Variants in PALB2 observed in about 807,000 individuals in gnomAD.
PALB2 encodes the protein mutant partner and localizer of BRCA2.
PALB2 carries 82 observed loss-of-function variants against 107.4 expected under a neutral mutation model. The observed-to-expected ratio is 0.76, with a 90% confidence interval of 0.64 to 0.92. The LOEUF (loss-of-function observed/expected upper bound fraction) is 0.92. Ranked by LOEUF, PALB2 falls within the 40% of genes least tolerant of loss-of-function variation. The probability of loss-of-function intolerance (pLI) is 0.00; values close to 1 mark genes in which losing one functional copy is unlikely to be tolerated. For synonymous variants in PALB2, 489 were observed against 496.8 expected (o/e 0.98, Z 0.21); for missense variants, 1,374 against 1,379.9 (o/e 1.00, Z 0.07).
At chr16:23,606,276 T>C (rs1211452966) in intron 12 of PALB2, among the ~76,000 whole-genome samples, 1 of 150,104 alleles carries the variant, frequency 6.7e-6, no homozygotes, top group South Asian at 2.1e-4. Flanking sequence ...CGTGGTGGCA[T>C]GTACCTGTAG....
intron 3 of PALB2, 32 bp downstream of exon 3, chr16:23,637,818 A>G (rs1180034768): frequency 6.6e-7 from 1 of 1,515,522 alleles, no homozygotes. Flanking sequence ...AATGAATAAT[A>G]AAGCAGGCAT....
At chr16:23,610,486 T>C (rs1966565376) in intron 11 of PALB2, among the ~76,000 whole-genome samples, 1 of 151,696 alleles carries the variant, frequency 6.6e-6, no homozygotes, top group Non-Finnish European at 1.5e-5. Context: ...TTTTTGTATT[T>C]TTAGGAGAGA....
intron 11 of PALB2, among the ~76,000 whole-genome samples, chr16:23,610,349 G>A (rs1234448506): frequency 1.5e-5 from 2 of 133,796 alleles, no homozygotes; most frequent in Admixed American, 8.0e-5. Flanking sequence ...TTGCTTTTTC[G>A]CCAGGCTGGA....
intron 12 of PALB2, among the ~76,000 whole-genome samples, chr16:23,606,170 T>C (rs1966469970): frequency 6.6e-6 from 1 of 152,084 alleles, no homozygotes; most frequent in South Asian, 2.1e-4. Context: ...TCGTTCTCTC[T>C]TCAAATCCAA....
In PALB2 at chr16:23,630,454, T is replaced by C. The variant is rs765722926; in HGVS notation, c.1700A>G (p.His567Arg). 1 of 1,612,560 alleles carries C rather than the reference T, an allele frequency of 6.2e-7. No homozygotes were observed. Among genetic ancestry groups the C allele is most frequent in the South Asian group, 1.1e-5 (1 of 90,862 alleles). ...CCAAGAAAGGGAATCCTCTTTTTGA[T>C]GACGACTTTTCTTCCCTAAAGAAGA... ...FIQVKGKKSR[H>R]QKEDSLSWSN... The change falls in exon 5 of 13, where the codon CAT (histidine) becomes CGT (arginine). Residue 567 changes from histidine to arginine, a missense_variant. Transcript: ENST00000261584.
At chr16:23,615,947 A>C (rs1288924695) in intron 10 of PALB2, among the ~76,000 whole-genome samples, 1 of 152,174 alleles carries the variant, frequency 6.6e-6, no homozygotes, top group Non-Finnish European at 1.5e-5. Flanking sequence ...TACAGGCGTG[A>C]GCCACCGCGC....
intron 10 of PALB2, among the ~76,000 whole-genome samples, chr16:23,615,307 A>AT (rs1567210415): frequency 6.6e-6 from 1 of 151,462 alleles, no homozygotes; most frequent in Non-Finnish European, 1.5e-5. Flanking sequence ...ATGATACTCT[A>AT]TTTTTTTGTT....
In PALB2 at chr16:23,630,069, C is replaced by G. The variant is rs2142381557; in HGVS notation, c.2085G>C (p.Lys695Asn). The G allele has an allele frequency of 6.2e-7, 1 of 1,614,158 alleles. No individual in the cohort carries two copies. Among genetic ancestry groups the G allele is most frequent in the Non-Finnish European group, 8.5e-7 (1 of 1,180,036 alleles). Residue 695 changes from lysine to asparagine, a missense_variant, in exon 5 of 13, where the codon AAG becomes AAC. By Grantham distance (94) the Lys-to-Asn change is moderately conservative. Transcript: ENST00000261584. The part of the protein sequence containing the change: ...KRPNSQSQHT[K>N]TGLSSSILLY... Reference sequence around the variant, plus strand: ...GTAATATGGATGAAGAAAGGCCCGTCTTTGTATGCTGGCTTTGCGAGTTTG... The same window carrying G: ...GTAATATGGATGAAGAAAGGCCCGTGTTTGTATGCTGGCTTTGCGAGTTTG...
Position 23,603,616 on chromosome 16 carries a change from C to T in PALB2, c.3404G>A (p.Gly1135Glu), listed in dbSNP as rs730881894. The T allele has an allele frequency of 5.0e-6, 8 of 1,613,804 alleles. No homozygotes were observed. The African/African-American group carries it at 1.1e-4, about 22-fold the overall frequency. Residue 1135 changes from glycine (G) to glutamate (E), a missense_variant, in exon 13 of 13, where the codon GGA (glycine) becomes GAA (glutamate). Gly to Glu is a moderately conservative substitution (Grantham distance 98, BLOSUM62 -2). Coordinates refer to ENST00000261584, the MANE Select transcript of PALB2 (RefSeq NM_024675.4). ...DHCAAAILTS[G>E]TIAIWDLLLG... is the part of the protein sequence containing the mutation. ...AAGTAAGTCCCAAATGGCAATTGTTCCAGAAGTCAAGATTGCTGCTGCACA... is the reference window on the plus strand; with the variant it reads ...AAGTAAGTCCCAAATGGCAATTGTTTCAGAAGTCAAGATTGCTGCTGCACA...
At chr16:23,614,599 A>C (rs1036068386) in intron 10 of PALB2, among the ~76,000 whole-genome samples, 2 of 152,064 alleles carry the variant, frequency 1.3e-5, no homozygotes, top group African/African-American at 4.8e-5. Context: ...GAGAGGGGTG[A>C]ATATAAAGAA....
chr16:23,612,739 G>A lies in PALB2; in HGVS notation c.3201+1265C>T, dbSNP rs151175761. Among the ~76,000 whole-genome samples, 758 of 151,532 alleles carry A rather than the reference G, an allele frequency of 5.0e-3. 3 individuals are homozygous for A. Among genetic ancestry groups the A allele is most frequent in the Middle Eastern group, 0.031 (9 of 292 alleles). On this transcript the variant is annotated intron_variant, in intron 11 of 12. Coordinates refer to ENST00000261584, the MANE Select transcript of PALB2 (RefSeq NM_024675.4). Reference sequence around the variant, plus strand: ...GATGGGGTTTTGCCACATTGCCCAAGGTAAAACTTTTTTTTTTTCTTTTTG... The same window carrying A: ...GATGGGGTTTTGCCACATTGCCCAAAGTAAAACTTTTTTTTTTTCTTTTTG...
intron 4 of PALB2, among the ~76,000 whole-genome samples, chr16:23,632,731 A>C (rs551574137): frequency 6.6e-6 from 1 of 152,358 alleles, no homozygotes; most frequent in East Asian, 1.9e-4. Context: ...TAATTTTGTT[A>C]CGTGAATGTC....
At chr16:23,627,072 G>A (rs1013286452) in intron 6 of PALB2, among the ~76,000 whole-genome samples, 2 of 152,132 alleles carry the variant, frequency 1.3e-5, no homozygotes, top group South Asian at 4.1e-4. Context: ...TCCTCGGAGG[G>A]AGTAACATTG....
intron 6 of PALB2, among the ~76,000 whole-genome samples, chr16:23,626,604 T>C (rs561541920): frequency 6.6e-6 from 1 of 152,302 alleles, no homozygotes; most frequent in South Asian, 2.1e-4. Context: ...TTTTATTTTT[T>C]ATTTATTTTA....
chr16:23,628,967 C>A (rs974401327), intron 6 of PALB2, among the ~76,000 whole-genome samples: 2 of 152,180 alleles, frequency 1.3e-5, no homozygotes, highest in East Asian at 3.8e-4. Flanking sequence ...AGTTCAGTTA[C>A]TTAGCCTAAG....
At chr16:23,637,721 A>G in intron 3 of PALB2, 129 bp downstream of exon 3, 1 of 719,162 alleles carries the variant, frequency 1.4e-6, no homozygotes, top group Non-Finnish European at 2.3e-6. Flanking sequence ...AAATAAAATT[A>G]AAATTAAAAT....
chr16:23,640,896 C>T (rs1163994311), intron 1 of PALB2: 6 of 600,438 alleles, frequency 1.0e-5, no homozygotes, highest in African/African-American at 3.7e-5. Context: ...TGTATTAATG[C>T]GCTGCTACTG....
Position 23,629,810 on chromosome 16 carries a change from G to A in PALB2, c.2344C>T (p.Pro782Ser), listed in dbSNP as rs786203296. 8 of 1,614,032 alleles carry A rather than the reference G, an allele frequency of 5.0e-6. No homozygotes were observed. The African/African-American group carries it at 6.7e-5, about 13-fold the overall frequency. ...DTKQFDSSGS[P>S]AKPHTTLQVS... is the part of the protein sequence containing the mutation. ...TGCAGGGTGGTATGTGGTTTTGCTG[G>A]GCTGCCTGAACTGTCGAATTGTTTA... Residue 782 changes from proline to serine, a missense_variant, in exon 5 of 13, where the codon CCA becomes TCA. Physicochemically the swap from Pro to Ser is moderately conservative, Grantham distance 74. Coordinates refer to ENST00000261584, the MANE Select transcript of PALB2 (RefSeq NM_024675.4).
At chr16:23,613,205 A>C (rs117893022) in intron 11 of PALB2, among the ~76,000 whole-genome samples, 1,609 of 152,216 alleles carry the variant, frequency 0.011, 24 homozygotes, top group Admixed American at 0.019. Flanking sequence ...TATATAGCAC[A>C]TTGTTGCTAA....
Sources: allele counts gnomAD v4.1 joint callset (sites outside exome capture counted in the v4.1 genomes callset), GRCh38; gene constraint gnomAD v4.1.1; transcripts MANE v1.5; gene names NCBI Gene and HGNC (gene_info 2026-07-23, HGNC 2026-07-21).